The following C6orf132 variants were observed in gnomAD, a reference collection of about 807,000 sequenced individuals.
C6orf132 encodes the protein uncharacterized protein C6orf132.
In C6orf132, 43 loss-of-function variants were observed where a neutral mutation model predicts 65.3. The ratio of observed to expected loss-of-function variants is 0.66; its 90% CI spans 0.52 to 0.85. The LOEUF (loss-of-function observed/expected upper bound fraction) is 0.85, where lower values mean the gene tolerates loss of function less well. Ranked by LOEUF, C6orf132 falls within the 40% of genes least tolerant of loss-of-function variation. The pLI, the probability that C6orf132 is intolerant of heterozygous loss-of-function variation, is 0.00. For missense variants in C6orf132, 1,488 were observed against 1,548.8 expected, an observed-to-expected ratio of 0.96 and a Z score of 0.66; for synonymous variants, 631 against 654.1, an observed-to-expected ratio of 0.96 and a Z score of 0.54.
intron 2 of C6orf132, among the ~76,000 whole-genome samples, chr6:42,122,086 C>G (rs1766693734): frequency 6.6e-6 from 1 of 152,102 alleles, no homozygotes; most frequent in Non-Finnish European, 1.5e-5. Context: ...GGATGGTTTC[C>G]CCAACACAGC....
chr6:42,108,779 TTC>T lies in C6orf132; in HGVS notation c.329-1198_329-1197del, dbSNP rs149329742. On this transcript the variant is annotated intron_variant, in intron 3 of 4. Transcript: ENST00000341865. The stretch of plus-strand genomic sequence containing the variant: ...AGCCCCTCTCCCAGAGTCTACTTCC[TTC>T]TTAGGGGCACCCATCCTTTGCTCCC... Among the ~76,000 whole-genome samples the T allele has an allele frequency of 1.7e-3, 262 of 152,178 alleles. 2 individuals carry two copies. The highest frequency in any genetic ancestry group is 5.7e-3 in the African/African-American group (236 of 41,512).
chr6:42,135,762 C>T (rs1562042763), intron 1 of C6orf132, among the ~76,000 whole-genome samples: 1 of 152,184 alleles, frequency 6.6e-6, no homozygotes, highest in Non-Finnish European at 1.5e-5. Context: ...TATTCTAAGC[C>T]CTCACCACCC....
Position 42,102,151 on chromosome 6 carries a change from A to T in C6orf132, c.*1610T>A, listed in dbSNP as rs987083596. The T allele has an allele frequency of 2.0e-5, 3 of 152,042 alleles. No homozygotes were observed. The highest frequency in any genetic ancestry group is 6.6e-5 in the Admixed American group (1 of 15,258). The allele number at this position is 152,042 out of a possible 1,614,324, so 9.4% of individuals were successfully genotyped here. ...GTGGAAGGGGGTCTAATTCACTGGAAAACAAGCATAAACCTGGACTGCCCA... is the reference window on the plus strand; with the variant it reads ...GTGGAAGGGGGTCTAATTCACTGGATAACAAGCATAAACCTGGACTGCCCA... On this transcript the variant is annotated 3_prime_UTR_variant, in exon 5 of 5. Transcript: ENST00000341865.
intron 2 of C6orf132, among the ~76,000 whole-genome samples, chr6:42,127,011 G>A (rs879403323): frequency 1.3e-5 from 2 of 152,046 alleles, no homozygotes; most frequent in Admixed American, 1.3e-4. Flanking sequence ...CTGAAGTGCA[G>A]TAGTGCAATC....
chr6:42,107,435 C>T lies in C6orf132; in HGVS notation c.477G>A (p.Gly159=). The T allele has an allele frequency of 6.5e-7, 1 of 1,533,214 alleles. No homozygotes were observed. 95.0% of individuals were successfully genotyped at this position (1,533,214 alleles called of 1,614,324 possible). The change falls in exon 4 of 5, where the codon GGG becomes GGA. Residue 159 remains glycine (G), a synonymous_variant. Transcript: ENST00000341865. ...GPPQDISEPP[G]GSPLPSPPST... ...AAGGTGGAGATGGCAGTGGCGACCC[C>T]CCTGGAGGTTCTGAAATGTCCTGAG...
Position 42,102,908 on chromosome 6 carries a change from G to T in C6orf132, c.*853C>A, listed in dbSNP as rs1210344982. 1 of 397,088 alleles carries T rather than the reference G, an allele frequency of 2.5e-6. No homozygotes were observed. Among genetic ancestry groups the T allele is most frequent in the Non-Finnish European group, 4.4e-6 (1 of 225,696 alleles). The allele number at this position is 397,088 out of a possible 1,614,324, so 24.6% of individuals were successfully genotyped here. On this transcript the variant is annotated 3_prime_UTR_variant, in exon 5 of 5. Transcript: ENST00000341865. The stretch of plus-strand genomic sequence containing the variant: ...CCCATATGAGACCTGGCCATGTAAG[G>T]CCCCTAGTGTCAAGCCTAAGACTCA...
Position 42,127,826 on chromosome 6 carries a change from A to G in C6orf132, c.252+846T>C, listed in dbSNP as rs370018096. ...CAGTCTGTCAGAAGCGGGATGTGCT[A>G]TATAAGTAGTACACCAGATTTTTAA... On this transcript the variant is annotated intron_variant, in intron 2 of 4. Coordinates refer to ENST00000341865, the MANE Select transcript of C6orf132 (RefSeq NM_001164446.3). Among the ~76,000 whole-genome samples the G allele has an allele frequency of 3.9e-5, 6 of 152,262 alleles. No homozygotes were observed. In the East Asian group the frequency reaches 1.2e-3, roughly 29 times the overall value.
intron 2 of C6orf132, among the ~76,000 whole-genome samples, chr6:42,114,830 C>T (rs1162277357): frequency 4.6e-5 from 7 of 151,854 alleles, no homozygotes; most frequent in East Asian, 1.9e-4. Flanking sequence ...TGTGTTGAAA[C>T]GTTGTCTCTA....
chr6:42,140,545 C>T (rs1026604743), intron 1 of C6orf132, among the ~76,000 whole-genome samples: 1 of 152,198 alleles, frequency 6.6e-6, no homozygotes, highest in African/African-American at 2.4e-5. Context: ...AGTTCTGCCT[C>T]ACAAGGGAGA....
intron 2 of C6orf132, among the ~76,000 whole-genome samples, chr6:42,122,245 G>A (rs950276087): frequency 2.7e-4 from 40 of 150,066 alleles, no homozygotes; most frequent in Non-Finnish European, 5.1e-4. Flanking sequence ...GTATTATGGC[G>A]GGCCCAGGTC....
chr6:42,118,446 C>T (rs983811105), intron 2 of C6orf132, among the ~76,000 whole-genome samples: 20 of 152,314 alleles, frequency 1.3e-4, no homozygotes, highest in African/African-American at 4.6e-4. Context: ...AGGAAAATGA[C>T]AGACTTAGGA....
chr6:42,140,555 A>G (rs1482966800), intron 1 of C6orf132, among the ~76,000 whole-genome samples: 1 of 152,150 alleles, frequency 6.6e-6, no homozygotes, highest in Non-Finnish European at 1.5e-5. Context: ...CACAAGGGAG[A>G]TTTTGGAGGT....
chr6:42,124,477 G>A lies in C6orf132; in HGVS notation c.252+4195C>T, dbSNP rs1041202289. On this transcript the variant is annotated intron_variant, in intron 2 of 4. Coordinates refer to ENST00000341865, the MANE Select transcript of C6orf132 (RefSeq NM_001164446.3). The surrounding 1 kb of genome is among the most constrained non-coding windows in gnomAD (Gnocchi z 4.0). Reference sequence around the variant, plus strand: ...GAGAGAGCTCACAGGCCCTCGAGGGGCCTGTCACCTGACTTCTTGGGCACT... The same window carrying A: ...GAGAGAGCTCACAGGCCCTCGAGGGACCTGTCACCTGACTTCTTGGGCACT... Among the ~76,000 whole-genome samples, 1 of 152,320 alleles carries A rather than the reference G, an allele frequency of 6.6e-6. No individual in the cohort carries two copies. Among genetic ancestry groups the A allele is most frequent in the Admixed American group, 6.5e-5 (1 of 15,308 alleles).
chr6:42,124,542 T>C lies in C6orf132; in HGVS notation c.252+4130A>G, dbSNP rs780844789. Among the ~76,000 whole-genome samples the C allele has an allele frequency of 2.0e-5, 3 of 152,112 alleles. No individual in the cohort carries two copies. Among genetic ancestry groups the C allele is most frequent in the Non-Finnish European group, 4.4e-5 (3 of 68,006 alleles). ...CCCCTACCCACTGGGCAGCCTGGCC[T>C]GGGAGGTGCCTCTGAATGTGGGAAG... On this transcript the variant is annotated intron_variant, in intron 2 of 4. Transcript: ENST00000341865. The surrounding 1 kb of genome is among the most constrained non-coding windows in gnomAD (Gnocchi z 4.0).
Position 42,105,792 on chromosome 6 carries a change from GC to G in C6orf132, c.2119del (p.Ala707GlnfsTer79). ...GCCAGCTGGGCCTGAGTCCTTCTCT[GC>G]CATCAGTTGGGATGTGGTGGTGGGC... ...TLPTTTSQLMAEKDSGPAGQP... is the reference protein window; with the variant it reads ...TLPTTTSQLMXEKDSGPAGQP... On this transcript the variant is annotated frameshift_variant, in exon 4 of 5. Transcript: ENST00000341865. LOFTEE classifies it high-confidence loss of function. 6.5e-7 allele frequency: 1 copy of G among 1,537,330 alleles called. No individual in the cohort carries two copies. Among genetic ancestry groups the G allele is most frequent in the Non-Finnish European group, 8.7e-7 (1 of 1,146,924 alleles).
At chr6:42,121,159 C>T (rs1261113734) in intron 2 of C6orf132, among the ~76,000 whole-genome samples, 1 of 152,180 alleles carries the variant, frequency 6.6e-6, no homozygotes, top group African/African-American at 2.4e-5. Flanking sequence ...CCACTGCACA[C>T]CTTAAGAGGT....
At position 42,101,638 on chromosome 6, in the gene C6orf132, C is replaced by T. The variant is rs1301379136; in HGVS notation, c.*2123G>A. On this transcript the variant is annotated 3_prime_UTR_variant, in exon 5 of 5. Transcript: ENST00000341865. ...AGCAATATACAGCTGAGAGTCTACG[C>T]CCCACCCCTCGAGCCTTAACATAGC... 2.6e-5 allele frequency: 4 copies of T among 152,248 alleles called. No homozygotes were observed. The highest frequency in any genetic ancestry group is 9.7e-5 in the African/African-American group (4 of 41,444). The allele number at this position is 152,248 out of a possible 1,614,324, so 9.4% of individuals were successfully genotyped here. A position where few individuals can be genotyped will look rare whatever the true frequency, so the allele number is the denominator to read the frequency against.
chr6:42,132,374 G>T (rs1271055809), intron 1 of C6orf132, among the ~76,000 whole-genome samples: 2 of 151,488 alleles, frequency 1.3e-5, no homozygotes. Flanking sequence ...AATTTGCTGG[G>T]TGTGGTGGCA....
intron 2 of C6orf132, among the ~76,000 whole-genome samples, chr6:42,125,687 A>G (rs1285672289): frequency 1.3e-5 from 2 of 152,216 alleles, no homozygotes; most frequent in African/African-American, 4.8e-5. Context: ...AGGCTTGCCC[A>G]AAAGAACTGC....
Sources: allele counts gnomAD v4.1 joint callset (sites outside exome capture counted in the v4.1 genomes callset), GRCh38; gene constraint gnomAD v4.1.1; non-coding constraint Gnocchi (gnomAD v3.1); transcripts MANE v1.5; gene names NCBI Gene and HGNC (gene_info 2026-07-23, HGNC 2026-07-21).